FBXO41: variants seen among roughly 807,000 people sequenced by gnomAD.
The protein encoded by FBXO41 is F-box protein 41.
Under a neutral mutation model 81.6 loss-of-function variants are expected in FBXO41, and 33 were observed. That is an observed-to-expected ratio of 0.40 (90% CI 0.31 to 0.54). FBXO41 has a LOEUF of 0.54. Among genes scored for constraint, FBXO41 ranks in the 20% least tolerant of loss-of-function variants. The pLI is 0.39. For synonymous variants in FBXO41, 576 were observed against 552.7 expected (o/e 1.04, Z -0.59); for missense variants, 1,107 against 1,236.0 (o/e 0.90, Z 1.56).
intron 9 of FBXO41, among the ~76,000 whole-genome samples, chr2:73,262,137 C>T (rs778262134): frequency 1.3e-5 from 2 of 151,964 alleles, no homozygotes; most frequent in African/African-American, 2.4e-5. Flanking sequence ...GTAGGAGGAT[C>T]GCCTGAACCT....
chr2:73,277,036 C>T (rs1688716080), intron 1 of FBXO41, among the ~76,000 whole-genome samples: 1 of 152,228 alleles, frequency 6.6e-6, no homozygotes, highest in Non-Finnish European at 1.5e-5. Flanking sequence ...CCCCACCCTG[C>T]CCTCTCTCAC....
In FBXO41 at chr2:73,268,904, GCTC is replaced by G; in HGVS notation, c.724_726del (p.Glu242del). On this transcript the variant is annotated inframe_deletion, in exon 2 of 13. Coordinates refer to ENST00000520530, the MANE Select transcript of FBXO41 (RefSeq NM_001371389.2). ...GCAGTCTCCAGTTCGGCCGCCTTGCGCTCCAGCTCGGCCTGCAGCCGGCCCACC... is the reference window on the plus strand; with the variant it reads ...GCAGTCTCCAGTTCGGCCGCCTTGCGCAGCTCGGCCTGCAGCCGGCCCACC... 1 of 1,546,636 alleles carries G rather than the reference GCTC, an allele frequency of 6.5e-7. No homozygotes were observed. Among genetic ancestry groups the G allele is most frequent in the Non-Finnish European group, 8.7e-7 (1 of 1,148,656 alleles).
intron 9 of FBXO41, among the ~76,000 whole-genome samples, chr2:73,262,091 C>T (rs1184760937): frequency 1.3e-5 from 2 of 152,148 alleles, no homozygotes; most frequent in East Asian, 3.8e-4. Context: ...GGCATGGTGG[C>T]CCATGCCTGT....
Position 73,269,076 on chromosome 2 carries a change from G to A in FBXO41, c.555C>T (p.Ser185=). Residue 185 remains serine, a synonymous_variant, in exon 2 of 13, where the codon TCC becomes TCT. Transcript: ENST00000520530. This position sits in a 1 kb window ranked among gnomAD's most constrained non-coding sequence, Gnocchi z 7.0. Reference sequence around the variant, plus strand: ...CGGGTGAGGGGGACGCGGGCGAAGCGGAGGCAGGCCCGGGGCAAGGGCCGG... The same window carrying A: ...CGGGTGAGGGGGACGCGGGCGAAGCAGAGGCAGGCCCGGGGCAAGGGCCGG... ...PGPGPCPGPA[S]ASPASPSPAD... is the part of the protein sequence containing the mutation. 1 of 1,514,118 alleles carries A rather than the reference G, an allele frequency of 6.6e-7. No individual in the cohort carries two copies. Among genetic ancestry groups the A allele is most frequent in the Non-Finnish European group, 8.8e-7 (1 of 1,137,648 alleles). The allele number at this position is 1,514,118 out of a possible 1,614,324, so 93.8% of individuals were successfully genotyped here. A position where few individuals can be genotyped will look rare whatever the true frequency, so the allele number is the denominator to read the frequency against.
chr2:73,258,755 T>G lies in FBXO41; in HGVS notation c.*227A>C. 1.1e-5 allele frequency: 5 copies of G among 471,340 alleles called. No individual in the cohort carries two copies. The highest frequency in any genetic ancestry group is 1.5e-5 in the Non-Finnish European group (4 of 270,270). 29.2% of individuals were successfully genotyped at this position (471,340 alleles called of 1,614,324 possible). A position where few individuals can be genotyped will look rare whatever the true frequency, so the allele number is the denominator to read the frequency against. On this transcript the variant is annotated 3_prime_UTR_variant, in exon 13 of 13. Transcript: ENST00000520530. ...TACTCCAGCCGGGGTAGGGTGGGGG[T>G]CGGAGGGCAGCTTCTGTCCAAGCCC...
chr2:73,269,400 G>C lies in FBXO41; in HGVS notation c.231C>G (p.Pro77=), dbSNP rs1441517627. 5 of 1,460,978 alleles carry C rather than the reference G, an allele frequency of 3.4e-6. No individual in the cohort carries two copies. Among genetic ancestry groups the C allele is most frequent in the Non-Finnish European group, 3.6e-6 (4 of 1,110,760 alleles). The allele number at this position is 1,460,978 out of a possible 1,614,324, so 90.5% of individuals were successfully genotyped here. Residue 77 remains proline (P), a synonymous_variant, in exon 2 of 13, where the codon CCC becomes CCG. Transcript: ENST00000520530. This position sits in a 1 kb window ranked among gnomAD's most constrained non-coding sequence, Gnocchi z 7.0. The part of the protein sequence containing the change: ...APEPAALLAV[P]GARREVFEST... The stretch of plus-strand genomic sequence containing the variant: ...TCTCGAAGACCTCTCGCCGGGCGCC[G>C]GGCACGGCCAGCAGGGCGGCGGGCT...
At position 73,269,709 on chromosome 2, in the gene FBXO41, G is replaced by A. The variant is rs995292946; in HGVS notation, c.-79C>T. The A allele has an allele frequency of 1.6e-5, 17 of 1,033,180 alleles. No individual in the cohort carries two copies. The highest frequency in any genetic ancestry group is 9.5e-6 in the Non-Finnish European group (8 of 842,620). The allele number at this position is 1,033,180 out of a possible 1,614,324, so 64.0% of individuals were successfully genotyped here. A position where few individuals can be genotyped will look rare whatever the true frequency, so the allele number is the denominator to read the frequency against. ...GCCGGGCGCGCTCATGGGGGACCGC[G>A]GGCGAGGCCCCCTGCGGGGTCAGGA... On this transcript the variant is annotated 5_prime_UTR_variant, in exon 2 of 13. Transcript: ENST00000520530. The surrounding 1 kb of genome is among the most constrained non-coding windows in gnomAD (Gnocchi z 7.0).
chr2:73,280,178 C>T (rs191075132), intron 1 of FBXO41, among the ~76,000 whole-genome samples: 4 of 152,076 alleles, frequency 2.6e-5, no homozygotes, highest in Non-Finnish European at 4.4e-5. Context: ...CTCAGTCCCC[C>T]TCAGATCTCA....
intron 8 of FBXO41, 99 bp from the exon 9 acceptor site, chr2:73,263,407 C>G: frequency 1.1e-6 from 1 of 939,270 alleles, no homozygotes; most frequent in Non-Finnish European, 1.5e-6. Flanking sequence ...ATCGCCTGAG[C>G]CCAGGATTCC....
chr2:73,271,214 TG>T (rs1259451622), intron 1 of FBXO41: 1 of 312,172 alleles, frequency 3.2e-6, no homozygotes, highest in African/African-American at 2.2e-5. Context: ...GATGTATGGG[TG>T]GATGTCTGTT....
chr2:73,281,640 G>A (rs1688849168), intron 1 of FBXO41, among the ~76,000 whole-genome samples: 1 of 152,178 alleles, frequency 6.6e-6, no homozygotes, highest in African/African-American at 2.4e-5. Flanking sequence ...TGTGTATTAA[G>A]ACCCTGAAGA....
Position 73,259,175 on chromosome 2 carries a change from C to A in FBXO41, c.2565+6G>T, listed in dbSNP as rs1687920764. Reference sequence around the variant, plus strand: ...GTCTTGGACAGCCTCAGAGCTGACCCCTCACCTGGAGTTTTGTCACCATGT... The same window carrying A: ...GTCTTGGACAGCCTCAGAGCTGACCACTCACCTGGAGTTTTGTCACCATGT... On this transcript the variant is annotated splice_donor_region_variant and intron_variant, in intron 12 of 12. Coordinates refer to ENST00000520530, the MANE Select transcript of FBXO41 (RefSeq NM_001371389.2). This position sits in a 1 kb window ranked among gnomAD's most constrained non-coding sequence, Gnocchi z 4.2. 2 of 1,613,758 alleles carry A rather than the reference C, an allele frequency of 1.2e-6. No individual in the cohort carries two copies. The highest frequency in any genetic ancestry group is 1.7e-6 in the Non-Finnish European group (2 of 1,179,764).
rs761210803 is a variant in FBXO41, at chr2:73,259,423, G to GACTC, written c.2450-131_2450-128dup. The stretch of plus-strand genomic sequence containing the variant: ...ACCGGGAACACGACAGAGGAGAGCA[G>GACTC]ACTCATGCCACCTGGGGGCTGGCGA... On this transcript the variant is annotated intron_variant, in intron 11 of 12. Coordinates refer to ENST00000520530, the MANE Select transcript of FBXO41 (RefSeq NM_001371389.2). The surrounding 1 kb of genome is among the most constrained non-coding windows in gnomAD (Gnocchi z 4.2). 9.0e-6 allele frequency: 7 copies of GACTC among 777,184 alleles called. No homozygotes were observed. The Admixed American group carries it at 1.1e-4, about 12-fold the overall frequency. 48.1% of individuals were successfully genotyped at this position (777,184 alleles called of 1,614,324 possible). A position where few individuals can be genotyped will look rare whatever the true frequency, so the allele number is the denominator to read the frequency against.
Position 73,264,395 on chromosome 2 carries a change from G to A in FBXO41, c.1689C>T (p.Tyr563=), listed in dbSNP as rs1325995515. Reference sequence around the variant, plus strand: ...CATGCAGCAGTGTGCGCGTGTCCAGGTAGGTGAAGATGCAGAAGAGGGCAG... The same window carrying A: ...CATGCAGCAGTGTGCGCGTGTCCAGATAGGTGAAGATGCAGAAGAGGGCAG... ...MRAALFCIFT[Y]LDTRTLLHAA... The change falls in exon 6 of 13, where the codon TAC becomes TAT. Residue 563 remains tyrosine (Y), a synonymous_variant. Transcript: ENST00000520530. 2.5e-6 allele frequency: 4 copies of A among 1,613,906 alleles called. No homozygotes were observed. Among genetic ancestry groups the A allele is most frequent in the East Asian group, 2.2e-5 (1 of 44,882 alleles).
At chr2:73,263,353 A>G (rs1178096814) in intron 8 of FBXO41, 45 bp from the exon 9 acceptor site, 3 of 1,403,988 alleles carry the variant, frequency 2.1e-6, no homozygotes, top group Non-Finnish European at 2.9e-6. Context: ...GGTGGCTTAT[A>G]CTGGTAATCC....
intron 9 of FBXO41, among the ~76,000 whole-genome samples, chr2:73,263,010 G>C (rs533934164): frequency 6.6e-6 from 1 of 152,336 alleles, no homozygotes; most frequent in African/African-American, 2.4e-5. Flanking sequence ...CTCTCAAAGT[G>C]CTGGGATTAC....
intron 5 of FBXO41, among the ~76,000 whole-genome samples, chr2:73,265,043 A>G (rs1688184380): frequency 6.6e-6 from 1 of 152,180 alleles, no homozygotes; most frequent in South Asian, 2.1e-4. Context: ...GTAAATGTTG[A>G]TGAGCCTACC....
At chr2:73,281,657 G>T (rs1688849607) in intron 1 of FBXO41, among the ~76,000 whole-genome samples, 1 of 152,188 alleles carries the variant, frequency 6.6e-6, no homozygotes, top group Admixed American at 6.5e-5. Context: ...AAGAATGAGA[G>T]GCTATTTTGA....
In FBXO41 at chr2:73,269,587, TC is replaced by T; in HGVS notation, c.43del (p.Glu15SerfsTer208). On this transcript the variant is annotated frameshift_variant, in exon 2 of 13. Transcript: ENST00000520530. LOFTEE classifies it high-confidence loss of function. The surrounding 1 kb of genome is among the most constrained non-coding windows in gnomAD (Gnocchi z 7.0). Reference protein sequence around the residue: ...DLPYRCPRCGEHKRFRSLSSL... With the variant: ...DLPYRCPRCGXHKRFRSLSSL... ...CGACAGGCTCCGGAAGCGCTTGTGC[TC>T]CCCGCAGCGGGGGCAGCGGTACGGC... The T allele has an allele frequency of 1.5e-6, 2 of 1,324,144 alleles. No homozygotes were observed. Among genetic ancestry groups the T allele is most frequent in the Non-Finnish European group, 1.9e-6 (2 of 1,026,986 alleles). The allele number at this position is 1,324,144 out of a possible 1,614,324, so 82.0% of individuals were successfully genotyped here. A position where few individuals can be genotyped will look rare whatever the true frequency, so the allele number is the denominator to read the frequency against.
Sources: gnomAD v4.1 joint callset for allele counts (sites outside exome capture counted in the v4.1 genomes callset) on GRCh38, gnomAD v4.1.1 for gene constraint, Gnocchi (gnomAD v3.1) non-coding constraint, MANE v1.5 for transcripts, NCBI Gene and HGNC (gene_info 2026-07-23, HGNC 2026-07-21) for gene names.